The following ZIM2 variants were observed in gnomAD, a reference collection of about 807,000 sequenced individuals.
ZIM2 encodes the protein zinc finger imprinted 2.
Under a neutral mutation model 38.6 loss-of-function variants are expected in ZIM2, and 14 were observed. The observed-to-expected ratio is 0.36, with a 90% CI of 0.24 to 0.57. The LOEUF is 0.57. ZIM2 is among the 20% of genes least tolerant of loss of function. The probability of loss-of-function intolerance (pLI) is 0.81; values close to 1 mark genes in which losing one functional copy is unlikely to be tolerated. For synonymous variants in ZIM2, 247 were observed against 245.8 expected (o/e 1.00, Z -0.04); for missense variants, 680 against 695.1 (o/e 0.98, Z 0.24).
At chr19:56,817,131 G>T (rs200534773) in intron 9 of ZIM2, 6 of 1,614,020 alleles carry the variant, frequency 3.7e-6, no homozygotes, top group Non-Finnish European at 3.4e-6. Context: ...CGGTAAAGGA[G>T]GGGGAGCTGA....
In ZIM2 at chr19:56,823,578, A is replaced by T. The variant is rs750089780; in HGVS notation, c.106+12T>A. The T allele has an allele frequency of 1.9e-6, 3 of 1,614,034 alleles. No individual in the cohort carries two copies. In the South Asian group the frequency reaches 3.3e-5, roughly 18 times the overall value. On this transcript the variant is annotated intron_variant, in intron 5 of 12. Coordinates refer to ENST00000629319, the MANE Select transcript of ZIM2 (RefSeq NM_001387356.1). ...GCCTGCCCATGGGTGACCAGTGGGG[A>T]TGGGTACTCACCACTGAAAGAATGG...
intron 9 of ZIM2, among the ~76,000 whole-genome samples, chr19:56,808,026 A>C (rs555138647): frequency 5.3e-5 from 8 of 152,206 alleles, no homozygotes; most frequent in African/African-American, 1.4e-4. Context: ...CAGTGTGGCC[A>C]TAAGAATGAC....
At chr19:56,788,780 A>G (rs879714053) in intron 10 of ZIM2, among the ~76,000 whole-genome samples, 21 of 152,104 alleles carry the variant, frequency 1.4e-4, no homozygotes, top group Non-Finnish European at 2.4e-4. Context: ...ACTTTCAGGT[A>G]CACCAATCAA....
intron 2 of ZIM2, among the ~76,000 whole-genome samples, chr19:56,834,159 A>AT (rs1017177532): frequency 2.0e-5 from 3 of 152,122 alleles, no homozygotes; most frequent in Non-Finnish European, 2.9e-5. Flanking sequence ...GGCTCATCTG[A>AT]TTTTTTTAAG....
rs780481052 is a variant in ZIM2 at position 56,774,818 on chromosome 19, T to G, written c.1547A>C (p.Tyr516Ser). The G allele has an allele frequency of 1.6e-5, 26 of 1,614,176 alleles. No individual in the cohort carries two copies. Among genetic ancestry groups the G allele is most frequent in the Non-Finnish European group, 2.2e-5 (26 of 1,180,046 alleles). ...AGGCCTCTCTTGAGTGTGAGTTCTA[T>G]AATGCTGAATGAGATATGAATTCCG... ...FSRNSYLIQH[Y>S]RTHTQERPYQ... Residue 516 changes from tyrosine to serine, a missense_variant, in exon 13 of 13, where the codon TAT (tyrosine) becomes TCT (serine). Coordinates refer to ENST00000629319, the MANE Select transcript of ZIM2 (RefSeq NM_001387356.1).
intron 9 of ZIM2, among the ~76,000 whole-genome samples, chr19:56,795,180 G>A (rs2047135481): frequency 6.6e-6 from 1 of 152,110 alleles, no homozygotes; most frequent in Admixed American, 6.5e-5. Flanking sequence ...TCAGCCTCCG[G>A]CCTTGGGGTG....
chr19:56,838,171 C>T (rs1270812475), intron 1 of ZIM2, among the ~76,000 whole-genome samples: 1 of 152,228 alleles, frequency 6.6e-6, no homozygotes, highest in Non-Finnish European at 1.5e-5. Context: ...GGCCCTACAG[C>T]CAACCCAGCA....
chr19:56,818,089 A>C (rs755824587), intron 8 of ZIM2, among the ~76,000 whole-genome samples: 10 of 152,156 alleles, frequency 6.6e-5, no homozygotes, highest in Admixed American at 1.3e-4. Context: ...AAATCAGTGC[A>C]TTGTCTTTTA....
intron 9 of ZIM2, among the ~76,000 whole-genome samples, chr19:56,797,021 C>T (rs368099612): frequency 2.1e-4 from 31 of 149,424 alleles, no homozygotes; most frequent in African/African-American, 5.2e-4. Context: ...AGGCCAGGCA[C>T]GGTGGCTCAG....
chr19:56,837,319 C>A (rs1347379188), intron 1 of ZIM2, among the ~76,000 whole-genome samples: 1 of 152,160 alleles, frequency 6.6e-6, no homozygotes, highest in Non-Finnish European at 1.5e-5. Context: ...TCAGGACCAC[C>A]CGCAGCCCTG....
Position 56,774,686 on chromosome 19 carries a change from T to G in ZIM2, c.*2A>C. 2.5e-6 allele frequency: 4 copies of G among 1,613,260 alleles called. No homozygotes were observed. The highest frequency in any genetic ancestry group is 3.4e-6 in the Non-Finnish European group (4 of 1,179,414). On this transcript the variant is annotated 3_prime_UTR_variant, in exon 13 of 13. Transcript: ENST00000629319. ...AAAGTGTGTGCTGTGACTAAAGGTT[T>G]CTCAACAGTGATCGCACTCAACAGT...
chr19:56,782,573 T>C (rs2046380518), intron 10 of ZIM2: 4 of 381,782 alleles, frequency 1.0e-5, no homozygotes, highest in South Asian at 8.1e-5. Context: ...ACCCATTCAA[T>C]TAAGTATTGG....
chr19:56,775,553 ACCTACCGCCCAATTATCCAAT>A, intron 12 of ZIM2, 24 bp from the exon 13 acceptor site: 1 of 1,571,710 alleles, frequency 6.4e-7, no homozygotes, highest in Non-Finnish European at 8.6e-7. Flanking sequence ...GCCAGAAGTT[ACCTACCGCCCAATTATCCAAT>A]CCTGCCCCCC....
At chr19:56,796,520 G>A (rs1000702039) in intron 9 of ZIM2, among the ~76,000 whole-genome samples, 18 of 152,156 alleles carry the variant, frequency 1.2e-4, no homozygotes, top group Non-Finnish European at 2.1e-4. Context: ...ACTCATGCCC[G>A]AACCTCTAAG....
intron 2 of ZIM2, among the ~76,000 whole-genome samples, chr19:56,834,419 C>T (rs1324849394): frequency 6.6e-6 from 1 of 152,182 alleles, no homozygotes; most frequent in African/African-American, 2.4e-5. Flanking sequence ...CCGTACTCAC[C>T]AAGCAACCTT....
chr19:56,803,862 C>T (rs913612413), intron 9 of ZIM2, among the ~76,000 whole-genome samples: 15 of 152,200 alleles, frequency 9.9e-5, no homozygotes, highest in Admixed American at 2.6e-4. Context: ...AAAAAGGCGA[C>T]CAAATGGGGT....
At chr19:56,810,549 C>A (rs2048062173) in intron 9 of ZIM2, 5 of 970,482 alleles carry the variant, frequency 5.2e-6, no homozygotes, top group Non-Finnish European at 4.9e-6. Context: ...ACTGAATTTC[C>A]AAAGTTTTGT....
At chr19:56,803,396 AGAG>A (rs1417276874) in intron 9 of ZIM2, among the ~76,000 whole-genome samples, 3 of 152,234 alleles carry the variant, frequency 2.0e-5, no homozygotes, top group Non-Finnish European at 2.9e-5. Context: ...CAAGAGGAAC[AGAG>A]GAGGGCAGAT....
intron 7 of ZIM2, among the ~76,000 whole-genome samples, chr19:56,820,226 A>C (rs1021057827): frequency 2.6e-5 from 4 of 152,266 alleles, no homozygotes; most frequent in East Asian, 1.9e-4. Context: ...AACATGATCT[A>C]TACATGTGAA....
Sources: allele counts gnomAD v4.1 joint callset (sites outside exome capture counted in the v4.1 genomes callset), GRCh38; gene constraint gnomAD v4.1.1; transcripts MANE v1.5; gene names NCBI Gene and HGNC (gene_info 2026-07-23, HGNC 2026-07-21).